The following PIK3CB variants were observed in gnomAD, a reference collection of about 807,000 sequenced individuals.
The protein encoded by PIK3CB is phosphatidylinositol-4,5-bisphosphate 3-kinase catalytic subunit beta.
In PIK3CB, 39 loss-of-function variants were observed where a neutral mutation model predicts 136.8. The observed-to-expected ratio is 0.29, with a 90% CI of 0.22 to 0.37. The LOEUF is 0.37. Ranked by LOEUF, PIK3CB falls within the 10% of genes least tolerant of loss-of-function variation. The pLI, the probability that PIK3CB is intolerant of heterozygous loss-of-function variation, is 1.00. For missense variants in PIK3CB, 868 were observed against 1,275.4 expected, an observed-to-expected ratio of 0.68 and a Z score of 4.87; for synonymous variants, 428 against 436.6, an observed-to-expected ratio of 0.98 and a Z score of 0.25.
rs533790959 is a variant in PIK3CB, at chr3:138,829,055, G to A, written c.-122+5640C>T. On this transcript the variant is annotated intron_variant, in intron 1 of 23. Coordinates refer to ENST00000674063, the MANE Select transcript of PIK3CB (RefSeq NM_006219.3). Reference sequence around the variant, plus strand: ...GACCTCAGGTGATCCGCCCACCTCAGCCTCCCAAAGTTCTGGGATTACAAG... The same window carrying A: ...GACCTCAGGTGATCCGCCCACCTCAACCTCCCAAAGTTCTGGGATTACAAG... Among the ~76,000 whole-genome samples the A allele has an allele frequency of 2.5e-4, 38 of 150,632 alleles. No individual in the cohort carries two copies. In the South Asian group the frequency reaches 7.5e-3, roughly 30 times the overall value.
chr3:138,784,658 T>C (rs2045955541), intron 2 of PIK3CB, among the ~76,000 whole-genome samples: 1 of 152,198 alleles, frequency 6.6e-6, no homozygotes, highest in Admixed American at 6.5e-5. Flanking sequence ...CTCCAGCTCC[T>C]GACCGCGAGT....
intron 1 of PIK3CB, among the ~76,000 whole-genome samples, chr3:138,828,180 T>A (rs1933866634): frequency 6.6e-6 from 1 of 150,856 alleles, no homozygotes; most frequent in South Asian, 2.1e-4. Context: ...AGTAATTAAA[T>A]TTCCTTTTTT....
intron 1 of PIK3CB, among the ~76,000 whole-genome samples, chr3:138,802,438 A>G (rs187162707): frequency 1.6e-4 from 24 of 151,928 alleles, no homozygotes; most frequent in Admixed American, 1.6e-3. Flanking sequence ...GGGAAAGGAA[A>G]GAGTGGCGGA....
chr3:138,741,894 C>T (rs916451311), intron 5 of PIK3CB, among the ~76,000 whole-genome samples: 4 of 151,898 alleles, frequency 2.6e-5, no homozygotes, highest in Non-Finnish European at 4.4e-5. Flanking sequence ...GCTAGAACCA[C>T]TATACTTGAT....
intron 18 of PIK3CB, among the ~76,000 whole-genome samples, chr3:138,682,287 A>G (rs893854230): frequency 2.6e-5 from 4 of 152,356 alleles, no homozygotes; most frequent in African/African-American, 9.6e-5. Context: ...ATTGAATATA[A>G]GCATAGCTTC....
At chr3:138,732,720 GAAAA>G (rs68137286) in intron 8 of PIK3CB, among the ~76,000 whole-genome samples, 1 of 109,298 alleles carries the variant, frequency 9.1e-6, no homozygotes, top group Non-Finnish European at 1.9e-5. Flanking sequence ...GGAAAGAAAA[GAAAA>G]AAAAAAAAAA....
intron 8 of PIK3CB, among the ~76,000 whole-genome samples, chr3:138,718,369 GT>G (rs149378563): frequency 0.073 from 11,089 of 151,640 alleles, 455 homozygotes; most frequent in South Asian, 0.16. Flanking sequence ...CACTTTTAAT[GT>G]TTTTTTTCTT....
intron 1 of PIK3CB, among the ~76,000 whole-genome samples, chr3:138,816,902 T>C (rs1375990028): frequency 6.6e-6 from 1 of 151,992 alleles, no homozygotes; most frequent in Admixed American, 6.6e-5. Context: ...TCAGCACAAC[T>C]TAAAAGTATA....
At chr3:138,762,123 C>G (rs482274) in intron 2 of PIK3CB, among the ~76,000 whole-genome samples, 4 of 149,456 alleles carry the variant, frequency 2.7e-5, no homozygotes, top group Non-Finnish European at 5.9e-5. Context: ...GTGGTTCAAG[C>G]CTGTAATCCC....
chr3:138,824,616 C>A (rs905587978), intron 1 of PIK3CB, among the ~76,000 whole-genome samples: 1 of 151,864 alleles, frequency 6.6e-6, no homozygotes, highest in Non-Finnish European at 1.5e-5. Flanking sequence ...TCACTTGAAC[C>A]CGGGAGGCGG....
intron 8 of PIK3CB, among the ~76,000 whole-genome samples, chr3:138,719,932 G>C (rs1272509878): frequency 6.6e-6 from 1 of 152,032 alleles, no homozygotes; most frequent in African/African-American, 2.4e-5. Context: ...GAAGAAATGT[G>C]TATGTACAGT....
intron 11 of PIK3CB, 133 bp from the exon 12 acceptor site, chr3:138,704,626 A>G: frequency 1.5e-6 from 1 of 667,602 alleles, no homozygotes; most frequent in East Asian, 2.6e-5. Context: ...CATGAATTTT[A>G]AAAGCAAAAT....
In PIK3CB at chr3:138,679,168, T is replaced by C. The variant is rs77335218; in HGVS notation, c.2504+2799A>G. ...AGGCAATGACAAATGTCAATTATAA[T>C]AGGAGCTTGTAACATACCTACGAAG... On this transcript the variant is annotated intron_variant, in intron 19 of 23. Transcript: ENST00000674063. Among the ~76,000 whole-genome samples, 1,308 of 152,258 alleles carry C rather than the reference T, an allele frequency of 8.6e-3. 27 individuals carry two copies. The highest frequency in any genetic ancestry group is 0.028 in the African/African-American group (1,183 of 41,572).
intron 8 of PIK3CB, among the ~76,000 whole-genome samples, chr3:138,729,715 A>G (rs1318366537): frequency 6.6e-6 from 1 of 152,172 alleles, no homozygotes; most frequent in Non-Finnish European, 1.5e-5. Context: ...TCAGATTCAG[A>G]CTGGAACTCA....
chr3:138,764,100 G>A (rs2045697998), intron 2 of PIK3CB, among the ~76,000 whole-genome samples: 1 of 140,062 alleles, frequency 7.1e-6, no homozygotes, highest in Middle Eastern at 4.1e-3. Flanking sequence ...GACAGGGCAA[G>A]ACTCCATCTC....
intron 12 of PIK3CB, 52 bp from the exon 13 acceptor site, chr3:138,699,147 G>A (rs361080): frequency 0.58 from 413,191 of 717,420 alleles, 124,035 homozygotes; most frequent in East Asian, 0.98. Flanking sequence ...ACACCACAGC[G>A]AACTTTCAGT....
chr3:138,734,864 T>A, intron 6 of PIK3CB, 60 bp from the exon 7 acceptor site: 1 of 1,196,016 alleles, frequency 8.4e-7, no homozygotes, highest in Non-Finnish European at 1.2e-6. Context: ...ATCAATAGAA[T>A]AAAATGAAGC....
At chr3:138,742,937 T>C (rs975175578) in intron 4 of PIK3CB, among the ~76,000 whole-genome samples, 156 bp from the exon 5 acceptor site, 6 of 152,040 alleles carry the variant, frequency 3.9e-5, no homozygotes, top group Admixed American at 2.6e-4. Flanking sequence ...CCATTAAAGA[T>C]CAAAAAACCC....
rs762230047 is a variant in PIK3CB at position 138,707,121 on chromosome 3, C to A, written c.1530+38G>T. ...TACATAGAGGAACTGATCATTCAAT[C>A]ATTTCATGCATAGAGGTCCTTTAAA... On this transcript the variant is annotated intron_variant, in intron 11 of 23. Transcript: ENST00000674063. 10 of 1,179,658 alleles carry A rather than the reference C, an allele frequency of 8.5e-6. No individual in the cohort carries two copies. The Admixed American group carries it at 1.7e-4, about 20-fold the overall frequency. The allele number at this position is 1,179,658 out of a possible 1,614,324, so 73.1% of individuals were successfully genotyped here.
Sources: allele counts gnomAD v4.1 joint callset (sites outside exome capture counted in the v4.1 genomes callset), GRCh38; gene constraint gnomAD v4.1.1; transcripts MANE v1.5; gene names NCBI Gene and HGNC (gene_info 2026-07-23, HGNC 2026-07-21).